CMSS1: variants seen among roughly 807,000 people sequenced by gnomAD.
CMSS1 encodes cms1 ribosomal small subunit homolog.
A neutral mutation model predicts 43.5 loss-of-function variants in CMSS1; 33 were observed. The observed-to-expected ratio is 0.76, with a 90% CI of 0.57 to 1.01. CMSS1 has a LOEUF of 1.01. Ranked by LOEUF, CMSS1 falls within the 50% of genes least tolerant of loss-of-function variation. The probability of loss-of-function intolerance (pLI) is 0.00; values close to 1 mark genes in which losing one functional copy is unlikely to be tolerated. For missense variants in CMSS1, 313 were observed against 326.4 expected (o/e 0.96, Z 0.32); for synonymous variants, 115 against 117.2 (o/e 0.98, Z 0.12).
chr3:99,876,719 AAC>A (rs1705545445), intron 1 of CMSS1, among the ~76,000 whole-genome samples: 1 of 152,102 alleles, frequency 6.6e-6, no homozygotes, highest in Non-Finnish European at 1.5e-5. Flanking sequence ...CTGATGATGT[AAC>A]TACCAAACAA....
chr3:99,976,120 G>A (rs1237197959), intron 1 of CMSS1, among the ~76,000 whole-genome samples: 3 of 152,006 alleles, frequency 2.0e-5, no homozygotes, highest in African/African-American at 7.2e-5. Context: ...TTTGACCTCA[G>A]GTGGTTCGCC....
At chr3:99,902,822 G>C (rs934043797) in intron 1 of CMSS1, among the ~76,000 whole-genome samples, 1 of 152,154 alleles carries the variant, frequency 6.6e-6, no homozygotes, top group African/African-American at 2.4e-5. Context: ...TGGTAATGGG[G>C]TAACTTCCAT....
intron 1 of CMSS1, among the ~76,000 whole-genome samples, chr3:100,094,936 C>T (rs2066178258): frequency 6.6e-6 from 1 of 152,044 alleles, no homozygotes; most frequent in African/African-American, 2.4e-5. Flanking sequence ...GATCCACCCG[C>T]CTCGGCCTCC....
At chr3:99,896,672 A>G (rs1236532068) in intron 1 of CMSS1, among the ~76,000 whole-genome samples, 2 of 152,228 alleles carry the variant, frequency 1.3e-5, no homozygotes, top group East Asian at 3.8e-4. Flanking sequence ...TCTTCATTTA[A>G]ATTATAATTC....
intron 6 of CMSS1, 105 bp downstream of exon 6, chr3:100,167,945 A>G: frequency 1.4e-6 from 1 of 690,182 alleles, no homozygotes; most frequent in Non-Finnish European, 2.4e-6. Context: ...AACAAAACAG[A>G]GTCCCTGCCC....
chr3:100,019,272 A>C (rs1342822054), intron 1 of CMSS1, among the ~76,000 whole-genome samples: 1 of 152,182 alleles, frequency 6.6e-6, no homozygotes. Context: ...AGGCAGGAGG[A>C]TCTCTTCAGC....
intron 1 of CMSS1, among the ~76,000 whole-genome samples, chr3:99,947,199 A>G (rs1708038073): frequency 6.6e-6 from 1 of 152,006 alleles, no homozygotes; most frequent in South Asian, 2.1e-4. Flanking sequence ...AAGCAGGCAC[A>G]AAGAATTTTT....
intron 1 of CMSS1, chr3:100,141,723 A>T: frequency 8.7e-6 from 3 of 345,280 alleles, no homozygotes; most frequent in Non-Finnish European, 1.1e-5. Flanking sequence ...GTACTTGATG[A>T]CTCCTCTTTT....
intron 1 of CMSS1, among the ~76,000 whole-genome samples, chr3:99,845,314 T>C (rs1943314014): frequency 6.6e-6 from 1 of 152,186 alleles, no homozygotes; most frequent in Admixed American, 6.5e-5. Flanking sequence ...GAATCTGTGA[T>C]AGGATTCTAC....
chr3:100,004,086 T>G (rs1048737925), intron 1 of CMSS1, among the ~76,000 whole-genome samples: 3 of 152,178 alleles, frequency 2.0e-5, no homozygotes, highest in Non-Finnish European at 2.9e-5. Context: ...AAATCCACCT[T>G]GATTCGGCCT....
At chr3:99,913,118 C>T (rs953503635) in intron 1 of CMSS1, among the ~76,000 whole-genome samples, 15 of 152,148 alleles carry the variant, frequency 9.9e-5, no homozygotes, top group Non-Finnish European at 1.6e-4. Flanking sequence ...AGAAGAGGGC[C>T]CTTACCAGAA....
intron 1 of CMSS1, among the ~76,000 whole-genome samples, chr3:100,032,640 C>G (rs1191946293): frequency 6.6e-6 from 1 of 152,090 alleles, no homozygotes; most frequent in Non-Finnish European, 1.5e-5. Flanking sequence ...TATTGACGAA[C>G]TTTAAAATAA....
At chr3:100,139,066 T>C (rs996069827) in intron 1 of CMSS1, among the ~76,000 whole-genome samples, 1 of 152,054 alleles carries the variant, frequency 6.6e-6, no homozygotes, top group Non-Finnish European at 1.5e-5. Flanking sequence ...CTGGAAGCCA[T>C]CATCCTCAGC....
At chr3:99,938,276 T>C (rs1385598008) in intron 1 of CMSS1, among the ~76,000 whole-genome samples, 1 of 152,250 alleles carries the variant, frequency 6.6e-6, no homozygotes, top group Non-Finnish European at 1.5e-5. Flanking sequence ...TGCACTACAC[T>C]ATTTTTTAAT....
chr3:99,985,911 TGTTGGATATATTCATAAAACACA>T lies in CMSS1; in HGVS notation c.65-161061_65-161039del, dbSNP rs545366388. 4.9e-3 allele frequency among the ~76,000 whole-genome samples: 742 copies of T among 152,296 alleles called. 18 individuals carry two copies. The highest frequency in any genetic ancestry group is 0.038 in the Admixed American group (585 of 15,290). Reference sequence around the variant, plus strand: ...GCCTGAGAAAAGCTTTTTAAAGTTCTGTTGGATATATTCATAAAACACATTGGGGGTTAAAGTCAGTATGACCA... The same window carrying T: ...GCCTGAGAAAAGCTTTTTAAAGTTCTTTGGGGGTTAAAGTCAGTATGACCA... On this transcript the variant is annotated intron_variant, in intron 1 of 9. Transcript: ENST00000421999.
At chr3:99,970,090 A>G (rs1262848334) in intron 1 of CMSS1, among the ~76,000 whole-genome samples, 3 of 152,276 alleles carry the variant, frequency 2.0e-5, no homozygotes, top group African/African-American at 7.2e-5. Flanking sequence ...GTATTTTGAC[A>G]TATAAAAATA....
intron 1 of CMSS1, among the ~76,000 whole-genome samples, chr3:99,888,165 G>A (rs576996328): frequency 1.1e-4 from 17 of 152,240 alleles, no homozygotes; most frequent in Middle Eastern, 3.4e-3. Context: ...GGTCTATGAA[G>A]TTGTAATTAA....
At chr3:99,859,527 T>C (rs1012563304) in intron 1 of CMSS1, among the ~76,000 whole-genome samples, 2 of 152,242 alleles carry the variant, frequency 1.3e-5, no homozygotes, top group African/African-American at 4.8e-5. Context: ...ATATGTTGAT[T>C]ACTAAGCAGA....
At chr3:100,074,212 A>C (rs1036835440) in intron 1 of CMSS1, among the ~76,000 whole-genome samples, 1 of 152,146 alleles carries the variant, frequency 6.6e-6, no homozygotes, top group Non-Finnish European at 1.5e-5. Context: ...AGAGCTCTAA[A>C]TCTGACAGCC....
Sources: gnomAD v4.1 joint callset for allele counts (sites outside exome capture counted in the v4.1 genomes callset) on GRCh38, gnomAD v4.1.1 for gene constraint, MANE v1.5 for transcripts, NCBI Gene and HGNC (gene_info 2026-07-23, HGNC 2026-07-21) for gene names.